The following H2BC5 variants were observed in gnomAD, a reference collection of about 807,000 sequenced individuals.
H2BC5 encodes the protein H2B clustered histone 5, also known as histone H2B type 1-D.
Under a neutral mutation model 5.7 loss-of-function variants are expected in H2BC5, and 9 were observed. That is an observed-to-expected ratio of 1.57 (90% CI 0.95 to 2.74). The LOEUF is 2.74. H2BC5 is among the 30% of genes most tolerant of loss of function. The pLI, the probability that H2BC5 is intolerant of heterozygous loss-of-function variation, is 0.00. For synonymous variants in H2BC5, 133 were observed against 70.9 expected, an observed-to-expected ratio of 1.88 and a Z score of -4.40; for missense variants, 175 against 168.8, an observed-to-expected ratio of 1.04 and a Z score of -0.20.
rs1158086875 is a variant in H2BC5 at position 26,158,550 on chromosome 6, A to G, written c.381A>G (p.Ter127=). The G allele has an allele frequency of 1.2e-6, 2 of 1,614,078 alleles. No homozygotes were observed. Among genetic ancestry groups the G allele is most frequent in the East Asian group, 4.5e-5 (2 of 44,880 alleles). The change falls in exon 1 of 1, where the codon TAA becomes TAG. Residue 127 remains the stop codon, a stop_retained_variant. Coordinates refer to ENST00000377777, the MANE Select transcript of H2BC5 (RefSeq NM_021063.4). The part of the protein sequence containing the change: ...KAVTKYTSSK[*] The stretch of plus-strand genomic sequence containing the variant: ...TCACCAAGTACACCAGTTCCAAGTA[A>G]CTTTGCCAAGTAAGCATCTTTACAC...
chr6:26,158,174 C>G lies in H2BC5; in HGVS notation c.5C>G (p.Pro2Arg), dbSNP rs778040224. The part of the protein sequence containing the change: M[P>R]EPTKSAPAPK... The stretch of plus-strand genomic sequence containing the variant: ...GTTCTAACTATTAACGCTACGATGC[C>G]TGAACCTACCAAGTCTGCTCCTGCC... The change falls in exon 1 of 1, where the codon CCT becomes CGT. Residue 2 changes from proline to arginine, a missense_variant. By Grantham distance (103) the Pro-to-Arg change is moderately radical (BLOSUM62 -2). Around this residue, in one of 4 missense-constraint regions of H2BC5, gnomAD observed 119 missense variants for 85.6 expected, o/e 1.39. Coordinates refer to ENST00000377777, the MANE Select transcript of H2BC5 (RefSeq NM_021063.4). 1 of 1,613,686 alleles carries G rather than the reference C, an allele frequency of 6.2e-7. No individual in the cohort carries two copies. The highest frequency in any genetic ancestry group is 8.5e-7 in the Non-Finnish European group (1 of 1,179,866).
chr6:26,160,242 T>C (rs552059285), downstream of H2BC5, among the ~76,000 whole-genome samples: 1 of 152,298 alleles, frequency 6.6e-6, no homozygotes, highest in Admixed American at 6.5e-5. Flanking sequence ...TTTGTGCCCC[T>C]GAGCACCCGG....
At chr6:26,170,866 T>C (rs899364105) in intron 1 of H2BC5, 1 of 152,220 alleles carries the variant, frequency 6.6e-6, no homozygotes, top group African/African-American at 2.4e-5. Context: ...AGATTCCTAA[T>C]AGTTCATTAT....
chr6:26,162,868 A>AT (rs1442706690), downstream of H2BC5, among the ~76,000 whole-genome samples: 3 of 151,892 alleles, frequency 2.0e-5, no homozygotes, highest in Non-Finnish European at 2.9e-5. Flanking sequence ...TTCTTTTAAG[A>AT]TTTTTTATTA....
At position 26,170,254 on chromosome 6, in the gene H2BC5, GT is replaced by G. The variant is rs370295351; in HGVS notation, c.*10-718del. The stretch of plus-strand genomic sequence containing the variant: ...TAGCACTATCTTACATTTGTTTATT[GT>G]TTGCCTCCCCTTCCAATCCTGAAAA... On this transcript the variant is annotated intron_variant, in intron 1 of 1. Coordinates refer to the H2BC5 transcript ENST00000289316. 9.4e-4 allele frequency among the ~76,000 whole-genome samples: 143 copies of G among 152,146 alleles called. 1 individual carries two copies. The highest frequency in any genetic ancestry group is 2.4e-3 in the African/African-American group (100 of 41,496).
intron 1 of H2BC5, among the ~76,000 whole-genome samples, chr6:26,164,596 TTATATA>T (rs113707312): frequency 1.4e-5 from 2 of 147,706 alleles, no homozygotes; most frequent in African/African-American, 5.0e-5. Flanking sequence ...AAGGGAGATT[TTATATA>T]TATATATATA....
downstream of H2BC5, among the ~76,000 whole-genome samples, chr6:26,160,103 T>G (rs1315546360): frequency 6.6e-6 from 1 of 152,188 alleles, no homozygotes; most frequent in Non-Finnish European, 1.5e-5. Flanking sequence ...AGTTGGGTTC[T>G]GAGCAGTGTA....
At position 26,169,255 on chromosome 6, in the gene H2BC5, G is replaced by A. The variant is rs149858015; in HGVS notation, c.*10-1720G>A. On this transcript the variant is annotated intron_variant, in intron 1 of 1. Transcript: ENST00000289316. ...ATTTGTAAGGAAATTCATGAAGTAC[G>A]CAAAACTCCCTAGGCACTGGCTTGG... 3.3e-4 allele frequency among the ~76,000 whole-genome samples: 51 copies of A among 152,262 alleles called. 1 individual carries two copies. The East Asian group carries it at 7.7e-3, about 23-fold the overall frequency.
intron 1 of H2BC5, among the ~76,000 whole-genome samples, chr6:26,168,151 A>G (rs1764462274): frequency 6.6e-6 from 1 of 152,110 alleles, no homozygotes; most frequent in Non-Finnish European, 1.5e-5. Context: ...ATACCAAAAA[A>G]AAAAGTGTAT....
intron 1 of H2BC5, among the ~76,000 whole-genome samples, chr6:26,169,586 A>G (rs1764485647): frequency 6.6e-6 from 1 of 152,190 alleles, no homozygotes; most frequent in African/African-American, 2.4e-5. Flanking sequence ...CCAAGTTACA[A>G]TTACTTTCTA....
intron 1 of H2BC5, among the ~76,000 whole-genome samples, chr6:26,164,712 G>A (rs986619006): frequency 1.3e-5 from 2 of 151,770 alleles, no homozygotes; most frequent in Admixed American, 1.3e-4. Context: ...ACATCTTCCT[G>A]CTCCCCTTCC....
intron 1 of H2BC5, chr6:26,163,677 C>G (rs1764381785): frequency 6.5e-6 from 1 of 152,878 alleles, no homozygotes; most frequent in Non-Finnish European, 1.5e-5. Context: ...ACTGTTTTCT[C>G]TTAGCAGGAG....
chr6:26,166,858 G>A (rs1207356786), intron 1 of H2BC5, among the ~76,000 whole-genome samples: 2 of 151,420 alleles, frequency 1.3e-5, no homozygotes, highest in Non-Finnish European at 2.9e-5. Flanking sequence ...GCACCACCAT[G>A]TCCAACTAAT....
downstream of H2BC5, among the ~76,000 whole-genome samples, chr6:26,160,455 ACTTCGGGAGG>A (rs1194580656): frequency 1.3e-4 from 19 of 149,214 alleles, 1 homozygote; most frequent in Admixed American, 6.1e-4. Flanking sequence ...TAATCCCAGC[ACTTCGGGAGG>A]CTGAGGCTGG....
At position 26,158,588 on chromosome 6, in the gene H2BC5, G is replaced by T. The variant is rs374216345; in HGVS notation, c.*38G>T. ...AGCATCTTTACACCTAATCCCAAAGGCTCTTTTAAGAGCCACGCATGTTTT... is the reference window on the plus strand; with the variant it reads ...AGCATCTTTACACCTAATCCCAAAGTCTCTTTTAAGAGCCACGCATGTTTT... On this transcript the variant is annotated 3_prime_UTR_variant, in exon 1 of 1. Transcript: ENST00000377777. The T allele has an allele frequency of 1.8e-5, 29 of 1,601,724 alleles. No homozygotes were observed. Among genetic ancestry groups the T allele is most frequent in the Non-Finnish European group, 2.1e-5 (25 of 1,174,998 alleles).
chr6:26,163,789 ATTTC>A (rs1279548472), intron 1 of H2BC5: 2 of 152,896 alleles, frequency 1.3e-5, no homozygotes, highest in African/African-American at 4.8e-5. Context: ...TTATTTATTT[ATTTC>A]TTAGAGACAG....
At chr6:26,159,443 A>G (rs1277345548), downstream of H2BC5, among the ~76,000 whole-genome samples, 2 of 152,030 alleles carry the variant, frequency 1.3e-5, no homozygotes, top group African/African-American at 4.8e-5. Flanking sequence ...GGAGGTAGAA[A>G]GGGAAAGAAA....
chr6:26,161,635 G>GT (rs1764351816), downstream of H2BC5, among the ~76,000 whole-genome samples: 1 of 152,122 alleles, frequency 6.6e-6, no homozygotes, highest in African/African-American at 2.4e-5. Context: ...AGCCAGGCAT[G>GT]GTGGTGCGTG....
rs760568561 is a variant in H2BC5 at position 26,158,407 on chromosome 6, C to T, written c.238C>T (p.Arg80Cys). The T allele has an allele frequency of 2.5e-6, 4 of 1,614,258 alleles. No individual in the cohort carries two copies. In the South Asian group the frequency reaches 3.3e-5, roughly 13 times the overall value. ...IFERIAGEAS[R>C]LAHYNKRSTI... The stretch of plus-strand genomic sequence containing the variant: ...CGAGCGCATCGCAGGCGAGGCTTCC[C>T]GCCTGGCGCATTACAACAAGCGCTC... The change falls in exon 1 of 1, where the codon CGC becomes TGC. Residue 80 changes from arginine (R) to cysteine (C), a missense_variant. Physicochemically the swap from Arg to Cys is radical, Grantham distance 180. Transcript: ENST00000377777.
Sources: allele counts gnomAD v4.1 joint callset (sites outside exome capture counted in the v4.1 genomes callset), GRCh38; gene constraint gnomAD v4.1.1; regional missense constraint gnomAD v4.1.1; transcripts MANE v1.5; gene names NCBI Gene and HGNC (gene_info 2026-07-23, HGNC 2026-07-21).